PCED1B: variants seen among roughly 807,000 people sequenced by gnomAD.
PCED1B encodes the protein PC-esterase domain-containing protein 1B.
For synonymous variants in PCED1B, 251 were observed against 246.1 expected (o/e 1.02, Z -0.19); for missense variants, 573 against 573.9 (o/e 1.00, Z 0.02).
intron 2 of PCED1B, among the ~76,000 whole-genome samples, chr12:47,175,461 T>C (rs181269987): frequency 2.0e-5 from 3 of 152,292 alleles, no homozygotes; most frequent in Admixed American, 6.5e-5. Context: ...TCTAGAATGT[T>C]GTAACAATTT....
At chr12:47,153,255 C>T (rs2137462500) in intron 2 of PCED1B, among the ~76,000 whole-genome samples, 1 of 147,630 alleles carries the variant, frequency 6.8e-6, no homozygotes, top group South Asian at 2.1e-4. Context: ...GAGGCTGAGG[C>T]AGGAGAATGG....
At chr12:47,152,131 G>T (rs1941016743) in intron 2 of PCED1B, among the ~76,000 whole-genome samples, 2 of 152,178 alleles carry the variant, frequency 1.3e-5, no homozygotes, top group African/African-American at 2.4e-5. Flanking sequence ...GGCTAGCAAT[G>T]TTGATGGATG....
chr12:47,103,477 G>A (rs974007478), intron 1 of PCED1B, among the ~76,000 whole-genome samples: 42 of 152,182 alleles, frequency 2.8e-4, no homozygotes, highest in African/African-American at 8.7e-4. Context: ...GTAGTAATTC[G>A]CAGCTATTTA....
Position 47,235,783 on chromosome 12 carries a change from C to G in PCED1B, c.720C>G (p.Leu240=). 1 of 1,587,008 alleles carries G rather than the reference C, an allele frequency of 6.3e-7. No homozygotes were observed. Among genetic ancestry groups the G allele is most frequent in the Non-Finnish European group, 8.6e-7 (1 of 1,166,776 alleles). ...GGAATGGACGTGTGCACCGCTGCCT[C>G]TCCCAGCTGCTGCTGGCCCACGTGG... is the stretch of plus-strand genomic sequence containing the variant. ...VHWNGRVHRC[L]SQLLLAHVAD... is the part of the protein sequence containing the mutation. Residue 240 remains leucine (L), a synonymous_variant, in exon 4 of 4, where the codon CTC becomes CTG. Coordinates refer to ENST00000546455, the MANE Select transcript of PCED1B (RefSeq NM_138371.3).
chr12:47,103,473 A>T (rs1044786087), intron 1 of PCED1B, among the ~76,000 whole-genome samples: 1 of 152,240 alleles, frequency 6.6e-6, no homozygotes, highest in African/African-American at 2.4e-5. Context: ...AACAGTAGTA[A>T]TTCGCAGCTA....
At chr12:47,113,966 A>AAAG (rs35595245) in intron 2 of PCED1B, among the ~76,000 whole-genome samples, 1 of 111,076 alleles carries the variant, frequency 9.0e-6, no homozygotes, top group African/African-American at 2.7e-5. Context: ...GAAAAAAAAA[A>AAAG]CACACACACA....
At chr12:47,094,423 G>T (rs1938391886) in intron 1 of PCED1B, among the ~76,000 whole-genome samples, 1 of 151,556 alleles carries the variant, frequency 6.6e-6, no homozygotes, top group Non-Finnish European at 1.5e-5. Flanking sequence ...GACATCATTG[G>T]GCTTATAGCT....
At chr12:47,106,695 C>T (rs1383711439) in intron 2 of PCED1B, among the ~76,000 whole-genome samples, 1 of 152,188 alleles carries the variant, frequency 6.6e-6, no homozygotes, top group African/African-American at 2.4e-5. Context: ...CTCTGTTTTC[C>T]CTCCTCCCCG....
At chr12:47,134,707 A>G (rs1940277095) in intron 2 of PCED1B, among the ~76,000 whole-genome samples, 1 of 152,120 alleles carries the variant, frequency 6.6e-6, no homozygotes, top group South Asian at 2.1e-4. Flanking sequence ...ATCTCTACTA[A>G]AAATACAAAA....
At chr12:47,181,000 CTTTT>C (rs60972537) in intron 2 of PCED1B, among the ~76,000 whole-genome samples, 1 of 147,176 alleles carries the variant, frequency 6.8e-6, no homozygotes, top group Admixed American at 6.8e-5. Flanking sequence ...CTTTTTCTTT[CTTTT>C]TTTTTTTTTG....
rs1210649274 is a variant in PCED1B at position 47,217,440 on chromosome 12, GAAAGAAAGAAAGAAAGAA to G, written c.-58+765_-58+782del. 6.1e-5 allele frequency among the ~76,000 whole-genome samples: 2 copies of G among 32,852 alleles called. 1 individual carries two copies. Among genetic ancestry groups the G allele is most frequent in the Non-Finnish European group, 1.0e-4 (2 of 19,714 alleles). 21.6% of individuals were successfully genotyped at this position (32,852 alleles called of 152,430 possible). ...GAGACAGAGAAAGAAGAAAAAAAAA[GAAAGAAAGAAAGAAAGAA>G]AAAGAAAGAAAGAGAAAGAAAGAAA... On this transcript the variant is annotated intron_variant, in intron 3 of 3. Coordinates refer to ENST00000546455, the MANE Select transcript of PCED1B (RefSeq NM_138371.3).
chr12:47,202,944 A>G (rs561982591), intron 2 of PCED1B, among the ~76,000 whole-genome samples: 4 of 150,352 alleles, frequency 2.7e-5, no homozygotes, highest in South Asian at 2.1e-4. Context: ...TATATTCTTT[A>G]TGGTAAAGAA....
chr12:47,129,541 G>A (rs953341474), intron 2 of PCED1B, among the ~76,000 whole-genome samples: 6 of 151,180 alleles, frequency 4.0e-5, no homozygotes, highest in Admixed American at 2.6e-4. Flanking sequence ...GAGAGTAATA[G>A]GTCAACCCTT....
At chr12:47,090,249 G>C (rs1938205300) in intron 1 of PCED1B, among the ~76,000 whole-genome samples, 1 of 152,102 alleles carries the variant, frequency 6.6e-6, no homozygotes, top group South Asian at 2.1e-4. Context: ...GAGGCAAATG[G>C]ACAACGAACA....
intron 1 of PCED1B, among the ~76,000 whole-genome samples, chr12:47,088,688 G>C (rs969332129): frequency 2.0e-5 from 3 of 152,202 alleles, no homozygotes; most frequent in Admixed American, 2.0e-4. Context: ...ATCAATGTAG[G>C]TTTCCTTGGC....
chr12:47,115,570 A>G (rs761033054), intron 2 of PCED1B, among the ~76,000 whole-genome samples: 2 of 151,846 alleles, frequency 1.3e-5, no homozygotes, highest in Non-Finnish European at 2.9e-5. Context: ...CCTTCCCCTC[A>G]TCTTTTTCTT....
At chr12:47,110,955 A>G (rs534227451) in intron 2 of PCED1B, among the ~76,000 whole-genome samples, 1 of 152,362 alleles carries the variant, frequency 6.6e-6, no homozygotes, top group African/African-American at 2.4e-5. Context: ...GCATGAAAGA[A>G]TGCTCTGGTG....
intron 2 of PCED1B, among the ~76,000 whole-genome samples, chr12:47,165,507 ATAT>A (rs1941516935): frequency 6.6e-6 from 1 of 152,226 alleles, no homozygotes; most frequent in Non-Finnish European, 1.5e-5. Flanking sequence ...GAGAGAACAT[ATAT>A]TATTTATTGT....
chr12:47,198,028 T>C (rs1032075806), intron 2 of PCED1B, among the ~76,000 whole-genome samples: 2 of 152,198 alleles, frequency 1.3e-5, no homozygotes, highest in Non-Finnish European at 2.9e-5. Context: ...AAGGAAACAT[T>C]TCTTCACTCA....
Sources: gnomAD v4.1 joint callset for allele counts (sites outside exome capture counted in the v4.1 genomes callset) on GRCh38, gnomAD v4.1.1 for gene constraint, MANE v1.5 for transcripts, NCBI Gene and HGNC (gene_info 2026-07-23, HGNC 2026-07-21) for gene names.